The following CHERP variants were observed in gnomAD, a reference collection of about 807,000 sequenced individuals.
CHERP encodes ERPROT 213-21.
Under a neutral mutation model 113.8 loss-of-function variants are expected in CHERP, and 8 were observed. The observed-to-expected ratio is 0.07, with a 90% confidence interval of 0.04 to 0.13. CHERP has a LOEUF of 0.13. Among genes scored for constraint, CHERP ranks in the 10% least tolerant of loss-of-function variants. CHERP has a pLI of 1.00. For missense variants in CHERP, 884 were observed against 1,298.2 expected, an observed-to-expected ratio of 0.68 and a Z score of 4.90; for synonymous variants, 559 against 524.5, an observed-to-expected ratio of 1.07 and a Z score of -0.90.
intron 9 of CHERP, among the ~76,000 whole-genome samples, chr19:16,527,705 A>G (rs1354562667): frequency 6.6e-6 from 1 of 152,140 alleles, no homozygotes; most frequent in Non-Finnish European, 1.5e-5. Context: ...TTCCTTACAA[A>G]AGCACCTTGT....
chr19:16,532,907 A>C lies in CHERP; in HGVS notation c.522+104T>G. 6.6e-7 allele frequency: 1 copy of C among 1,503,946 alleles called. No individual in the cohort carries two copies. The highest frequency in any genetic ancestry group is 9.0e-7 in the Non-Finnish European group (1 of 1,115,086). 93.2% of individuals were successfully genotyped at this position (1,503,946 alleles called of 1,614,324 possible). ...CCTCAGGAGCTCCAGGCGGGAGGGAAGGGCACCCATTGTAACAGCCCTTAG... is the reference window on the plus strand; with the variant it reads ...CCTCAGGAGCTCCAGGCGGGAGGGACGGGCACCCATTGTAACAGCCCTTAG... On this transcript the variant is annotated intron_variant, in intron 4 of 16. Coordinates refer to ENST00000546361, the MANE Select transcript of CHERP (RefSeq NM_006387.6). The surrounding 1 kb of genome is among the most constrained non-coding windows in gnomAD (Gnocchi z 4.4).
chr19:16,542,325 A>C (rs2085786188), intron 1 of CHERP, 29 bp downstream of exon 1: 1 of 1,410,166 alleles, frequency 7.1e-7, no homozygotes, highest in African/African-American at 1.5e-5. Flanking sequence ...GGGAGAGAGA[A>C]ACGGTCTCTC....
chr19:16,528,072 A>C lies in CHERP; in HGVS notation c.1305+8T>G, dbSNP rs746827651. 1 of 1,612,372 alleles carries C rather than the reference A, an allele frequency of 6.2e-7. No homozygotes were observed. The highest frequency in any genetic ancestry group is 1.1e-5 in the South Asian group (1 of 91,018). On this transcript the variant is annotated splice_region_variant and intron_variant, in intron 9 of 16. Transcript: ENST00000546361. ...CCATCTGCTCCCACCCCAGGTTCCA[A>C]TCAATACCTGCTGCTGGCCCCAAGG...
Position 16,519,947 on chromosome 19 carries a change from T to C in CHERP, c.2462+202A>G, listed in dbSNP as rs768938272. On this transcript the variant is annotated intron_variant, in intron 15 of 16. Coordinates refer to ENST00000546361, the MANE Select transcript of CHERP (RefSeq NM_006387.6). This position sits in a 1 kb window ranked among gnomAD's most constrained non-coding sequence, Gnocchi z 6.0. ...GAGAGCAGGACACCTCCAACCCAGA[T>C]GGTGGTTAGAAAGCAGACCCCAGTT... The C allele has an allele frequency of 7.9e-5, 53 of 669,092 alleles. No individual in the cohort carries two copies. The Middle Eastern group carries it at 2.0e-3, about 26-fold the overall frequency. The allele number at this position is 669,092 out of a possible 1,614,324, so 41.4% of individuals were successfully genotyped here.
At chr19:16,524,249 A>C (rs2085641121) in intron 10 of CHERP, among the ~76,000 whole-genome samples, 1 of 151,766 alleles carries the variant, frequency 6.6e-6, no homozygotes, top group African/African-American at 2.4e-5. Flanking sequence ...AGTCTCAAAA[A>C]AACAACAAAC....
In CHERP at chr19:16,535,608, C is replaced by A; in HGVS notation, c.228G>T (p.Leu76=). 1 of 1,538,200 alleles carries A rather than the reference C, an allele frequency of 6.5e-7. No individual in the cohort carries two copies. Among genetic ancestry groups the A allele is most frequent in the Non-Finnish European group, 8.7e-7 (1 of 1,143,670 alleles). The change falls in exon 3 of 17, where the codon CTG becomes CTT. Residue 76 remains leucine (L), a synonymous_variant. Transcript: ENST00000546361. The surrounding 1 kb of genome is among the most constrained non-coding windows in gnomAD (Gnocchi z 4.3). ...QLICKQQTPE[L]EPAATMPPLP... The stretch of plus-strand genomic sequence containing the variant: ...GGGGTGGCATGGTGGCGGCTGGCTC[C>A]AGCTCCGGGGTCTGCTGCTTGCAGA...
chr19:16,536,864 T>C (rs1292053494), intron 2 of CHERP, among the ~76,000 whole-genome samples: 1 of 151,882 alleles, frequency 6.6e-6, no homozygotes, highest in Admixed American at 6.6e-5. Context: ...TGCAAAAAAT[T>C]AGTCGGGCGT....
chr19:16,529,050 TGA>T (rs1276418266), intron 8 of CHERP, among the ~76,000 whole-genome samples: 1 of 152,250 alleles, frequency 6.6e-6, no homozygotes, highest in Non-Finnish European at 1.5e-5. Context: ...TTGTATTTTC[TGA>T]GACAGGGTCT....
intron 2 of CHERP, among the ~76,000 whole-genome samples, chr19:16,540,757 G>T (rs1291974891): frequency 6.7e-6 from 1 of 149,842 alleles, no homozygotes; most frequent in Admixed American, 6.7e-5. Flanking sequence ...CAGTGCAATG[G>T]CGTGGTCTTG....
intron 2 of CHERP, among the ~76,000 whole-genome samples, chr19:16,540,199 G>A (rs2085768910): frequency 2.0e-5 from 3 of 151,958 alleles, no homozygotes; most frequent in South Asian, 4.1e-4. Flanking sequence ...GGGTAGCTGG[G>A]ACTACAGGTG....
Position 16,523,058 on chromosome 19 carries a change from G to C in CHERP, c.1974C>G (p.Leu658=). 6.6e-7 allele frequency: 1 copy of C among 1,512,688 alleles called. No homozygotes were observed. The highest frequency in any genetic ancestry group is 1.3e-5 in the South Asian group (1 of 76,730). The allele number at this position is 1,512,688 out of a possible 1,614,324, so 93.7% of individuals were successfully genotyped here. A position where few individuals can be genotyped will look rare whatever the true frequency, so the allele number is the denominator to read the frequency against. ...GCCCACTGTGGGGCATTACCTTCACGAGGGGGGCCATCAGCCCAGCAGGGA... is the reference window on the plus strand; with the variant it reads ...GCCCACTGTGGGGCATTACCTTCACCAGGGGGGCCATCAGCCCAGCAGGGA... ...FDLPAGLMAP[L]VKLEDHEYKP... Residue 658 remains leucine (L), a synonymous_variant, in exon 11 of 17, where the codon CTC becomes CTG. Coordinates refer to ENST00000546361, the MANE Select transcript of CHERP (RefSeq NM_006387.6). This position sits in a 1 kb window ranked among gnomAD's most constrained non-coding sequence, Gnocchi z 4.0.
At position 16,518,230 on chromosome 19, in the gene CHERP, G is replaced by T. The variant is rs1037529652; in HGVS notation, c.*929C>A. The T allele has an allele frequency of 6.6e-6, 1 of 152,216 alleles. No homozygotes were observed. Among genetic ancestry groups the T allele is most frequent in the Admixed American group, 6.6e-5 (1 of 15,258 alleles). 9.4% of individuals were successfully genotyped at this position (152,216 alleles called of 1,614,324 possible). On this transcript the variant is annotated 3_prime_UTR_variant, in exon 17 of 17. Transcript: ENST00000546361. ...TCCCCTCCCTTCGGGGGTGTGAAAT[G>T]AAATGATGGAGTGGAAGGCGCTGGC...
At chr19:16,537,406 T>C (rs1234733871) in intron 2 of CHERP, among the ~76,000 whole-genome samples, 2 of 152,130 alleles carry the variant, frequency 1.3e-5, no homozygotes, top group African/African-American at 4.8e-5. Flanking sequence ...CTCATTCCTG[T>C]GGCTGCGATT....
chr19:16,530,893 G>A lies in CHERP; in HGVS notation c.675-13C>T. The A allele has an allele frequency of 6.2e-7, 1 of 1,611,560 alleles. No individual in the cohort carries two copies. The highest frequency in any genetic ancestry group is 1.1e-5 in the South Asian group (1 of 91,050). On this transcript the variant is annotated splice_polypyrimidine_tract_variant and intron_variant, in intron 5 of 16. Transcript: ENST00000546361. The surrounding 1 kb of genome is among the most constrained non-coding windows in gnomAD (Gnocchi z 4.1). ...CTGCTTGCGCTGGCTGTGAGGGAGA[G>A]ACTTTCCGCGCGTCAGGGCCCTGGG...
chr19:16,533,185 G>A, intron 3 of CHERP, 37 bp from the exon 4 acceptor site: 1 of 1,556,174 alleles, frequency 6.4e-7, no homozygotes, highest in Non-Finnish European at 8.7e-7. Flanking sequence ...GAACACATGA[G>A]GAGGGACCCG....
Position 16,518,839 on chromosome 19 carries a change from C to A in CHERP, c.*320G>T, listed in dbSNP as rs963367762. On this transcript the variant is annotated 3_prime_UTR_variant, in exon 17 of 17. Transcript: ENST00000546361. Reference sequence around the variant, plus strand: ...TTCAATCTGACTTAGGGCAGATGCACATCCATCCCTTCGTGGCTGAAGAAT... The same window carrying A: ...TTCAATCTGACTTAGGGCAGATGCAAATCCATCCCTTCGTGGCTGAAGAAT... The A allele has an allele frequency of 4.8e-5, 17 of 354,602 alleles. No individual in the cohort carries two copies. In the East Asian group the frequency reaches 1.2e-3, roughly 26 times the overall value. 22.0% of individuals were successfully genotyped at this position (354,602 alleles called of 1,614,324 possible).
Position 16,519,911 on chromosome 19 carries a change from C to G in CHERP, c.2463-196G>C. On this transcript the variant is annotated intron_variant, in intron 15 of 16. Transcript: ENST00000546361. The surrounding 1 kb of genome is among the most constrained non-coding windows in gnomAD (Gnocchi z 6.0). The stretch of plus-strand genomic sequence containing the variant: ...GCTCCAGACGCTGGCCCCCACCCCA[C>G]GCTCAGCATTGAGAGCAGGACACCT... The G allele has an allele frequency of 1.5e-6, 1 of 664,624 alleles. No individual in the cohort carries two copies. Among genetic ancestry groups the G allele is most frequent in the South Asian group, 1.8e-5 (1 of 56,330 alleles). The allele number at this position is 664,624 out of a possible 1,614,324, so 41.2% of individuals were successfully genotyped here. A position where few individuals can be genotyped will look rare whatever the true frequency, so the allele number is the denominator to read the frequency against.
Position 16,533,103 on chromosome 19 carries a change from G to C in CHERP, c.430C>G (p.Gln144Glu). Residue 144 changes from glutamine to glutamate, a missense_variant, in exon 4 of 17, where the codon CAG (glutamine) becomes GAG (glutamate). Transcript: ENST00000546361. ...AVAHAVEQQM[Q>E]KLLEETQLDM... ...AGCTGGGTCTCCTCCAGAAGCTTCT[G>C]CATCTGCTGCTCCACCGCGTGGGCC... 1.3e-6 allele frequency: 2 copies of C among 1,585,904 alleles called. No individual in the cohort carries two copies. The highest frequency in any genetic ancestry group is 1.7e-6 in the Non-Finnish European group (2 of 1,166,200).
intron 1 of CHERP, 45 bp from the exon 2 acceptor site, chr19:16,542,088 C>T: frequency 6.4e-7 from 1 of 1,568,826 alleles, no homozygotes; most frequent in Non-Finnish European, 8.6e-7. Context: ...GCGAGGACCG[C>T]CCAAAGCCGG....
Sources: allele counts gnomAD v4.1 joint callset (sites outside exome capture counted in the v4.1 genomes callset), GRCh38; gene constraint gnomAD v4.1.1; non-coding constraint Gnocchi (gnomAD v3.1); transcripts MANE v1.5; gene names NCBI Gene and HGNC (gene_info 2026-07-23, HGNC 2026-07-21).